Variants in OPCML observed in about 807,000 individuals in gnomAD.
OPCML encodes opioid-binding protein/cell adhesion molecule.
Under a neutral mutation model 37.8 loss-of-function variants are expected in OPCML, and 13 were observed. That is an observed-to-expected ratio of 0.34 (90% CI 0.22 to 0.55). OPCML has a LOEUF of 0.55. Among genes scored for constraint, OPCML ranks in the 20% least tolerant of loss-of-function variants. OPCML has a pLI of 0.91. For missense variants in OPCML, 341 were observed against 435.6 expected, an observed-to-expected ratio of 0.78 and a Z score of 1.93; for synonymous variants, 176 against 168.8, an observed-to-expected ratio of 1.04 and a Z score of -0.33.
At chr11:132,479,708 T>A (rs2096171737) in intron 4 of OPCML, among the ~76,000 whole-genome samples, 1 of 152,020 alleles carries the variant, frequency 6.6e-6, no homozygotes, top group Non-Finnish European at 1.5e-5. Flanking sequence ...CTCAAGTGGG[T>A]CCCTGACCCC....
At chr11:132,762,382 A>T (rs143133571) in intron 2 of OPCML, among the ~76,000 whole-genome samples, 77 of 152,326 alleles carry the variant, frequency 5.1e-4, no homozygotes, top group African/African-American at 1.7e-3. Flanking sequence ...GCAGGCAGGA[A>T]CGTTTAAGTC....
intron 1 of OPCML, among the ~76,000 whole-genome samples, chr11:133,438,952 C>T (rs1946300783): frequency 6.6e-6 from 1 of 152,126 alleles, no homozygotes. Flanking sequence ...GCTCCATGCC[C>T]CCACACACCA....
chr11:132,600,939 C>T (rs1209506275), intron 3 of OPCML, among the ~76,000 whole-genome samples: 2 of 149,952 alleles, frequency 1.3e-5, no homozygotes, highest in East Asian at 2.0e-4. Context: ...GATCCTCCCA[C>T]CTCAGCCTCC....
chr11:133,470,722 G>A (rs1174780639), intron 1 of OPCML, among the ~76,000 whole-genome samples: 2 of 152,140 alleles, frequency 1.3e-5, no homozygotes, highest in Non-Finnish European at 2.9e-5. Flanking sequence ...CCCAACTATT[G>A]GCTGACTTTT....
chr11:133,268,134 C>T (rs1186298711), intron 1 of OPCML, among the ~76,000 whole-genome samples: 1 of 152,158 alleles, frequency 6.6e-6, no homozygotes, highest in Non-Finnish European at 1.5e-5. Flanking sequence ...TCTGGCAACC[C>T]CTCAAGGCCA....
chr11:133,519,704 GCA>G (rs1324997270), intron 1 of OPCML, among the ~76,000 whole-genome samples: 4 of 152,092 alleles, frequency 2.6e-5, no homozygotes. Context: ...GCCCTCCCAG[GCA>G]CACATGCTGC....
Position 133,140,910 on chromosome 11 carries a change from A to C in OPCML, c.62-197900T>G, listed in dbSNP as rs1275768187. Among the ~76,000 whole-genome samples the C allele has an allele frequency of 1.3e-3, 19 of 14,294 alleles. 4 individuals are homozygous for C. Among genetic ancestry groups the C allele is most frequent in the African/African-American group, 2.0e-3 (13 of 6,406 alleles). The allele number at this position is 14,294 out of a possible 152,430, so 9.4% of individuals were successfully genotyped here. Reference sequence around the variant, plus strand: ...ACGACGACGAAGACGACGACGACGAAGAAGAAGAAGACGACGACGACGAAG... The same window carrying C: ...ACGACGACGAAGACGACGACGACGACGAAGAAGAAGACGACGACGACGAAG... On this transcript the variant is annotated intron_variant, in intron 1 of 7. Coordinates refer to ENST00000524381, the MANE Select transcript of OPCML (RefSeq NM_001012393.5).
chr11:133,192,248 T>C (rs911634393), intron 1 of OPCML, among the ~76,000 whole-genome samples: 1 of 152,174 alleles, frequency 6.6e-6, no homozygotes, highest in African/African-American at 2.4e-5. Flanking sequence ...AATACTAATA[T>C]CTTGATGGCC....
At chr11:132,896,923 ACAAC>A (rs2136482106) in intron 2 of OPCML, among the ~76,000 whole-genome samples, 1 of 152,342 alleles carries the variant, frequency 6.6e-6, no homozygotes, top group African/African-American at 2.4e-5. Context: ...GGCTCGTCCT[ACAAC>A]CAAGAAAGAG....
intron 1 of OPCML, among the ~76,000 whole-genome samples, chr11:133,493,464 T>C (rs1158827128): frequency 1.3e-5 from 2 of 152,242 alleles, no homozygotes; most frequent in African/African-American, 4.8e-5. Context: ...TACTTTTTTT[T>C]ACAGAAATGA....
chr11:132,557,607 G>A (rs553549617), intron 3 of OPCML, among the ~76,000 whole-genome samples: 12 of 152,164 alleles, frequency 7.9e-5, no homozygotes, highest in Non-Finnish European at 1.5e-4. Context: ...CTTCAAGAAA[G>A]CTTTCTTAGT....
chr11:133,275,022 C>A (rs558261484), intron 1 of OPCML, among the ~76,000 whole-genome samples: 1 of 151,986 alleles, frequency 6.6e-6, no homozygotes, highest in African/African-American at 2.4e-5. Flanking sequence ...TTTAGATGAA[C>A]ATTTTTGGGT....
chr11:132,677,102 C>G (rs1020102226), intron 2 of OPCML, among the ~76,000 whole-genome samples: 2 of 151,852 alleles, frequency 1.3e-5, no homozygotes, highest in African/African-American at 4.8e-5. Flanking sequence ...CATATATGCC[C>G]CCAAGAAATA....
intron 1 of OPCML, among the ~76,000 whole-genome samples, chr11:133,331,766 T>C (rs780700781): frequency 1.3e-5 from 2 of 152,178 alleles, no homozygotes; most frequent in African/African-American, 2.4e-5. Context: ...TTTCCATTAT[T>C]GCACATAGGC....
chr11:132,993,974 G>A (rs1946829391), intron 1 of OPCML, among the ~76,000 whole-genome samples: 1 of 152,238 alleles, frequency 6.6e-6, no homozygotes, highest in African/African-American at 2.4e-5. Context: ...GTCTCCCTGA[G>A]TATTCTTCCC....
chr11:132,428,849 C>T (rs1016038371), intron 7 of OPCML, among the ~76,000 whole-genome samples: 1 of 152,220 alleles, frequency 6.6e-6, no homozygotes, highest in Non-Finnish European at 1.5e-5. Context: ...GTGTGGCTGA[C>T]ACTCGATAGC....
Position 132,710,816 on chromosome 11 carries a change from T to C in OPCML, c.147-53497A>G, listed in dbSNP as rs561110743. 2.0e-5 allele frequency among the ~76,000 whole-genome samples: 3 copies of C among 151,460 alleles called. No homozygotes were observed. In the East Asian group the frequency reaches 5.8e-4, roughly 29 times the overall value. ...GTTGCGGTGAGCTGAGATTGCACCATTGCACTCCAGCCTGGATGACAGAGA... is the reference window on the plus strand; with the variant it reads ...GTTGCGGTGAGCTGAGATTGCACCACTGCACTCCAGCCTGGATGACAGAGA... On this transcript the variant is annotated intron_variant, in intron 2 of 7. Transcript: ENST00000524381.
chr11:132,505,130 G>T (rs1268521355), intron 4 of OPCML, among the ~76,000 whole-genome samples: 2 of 152,122 alleles, frequency 1.3e-5, no homozygotes, highest in African/African-American at 4.8e-5. Flanking sequence ...AATATTTGAA[G>T]AGTAGAATTA....
At chr11:132,835,783 T>G (rs1271121269) in intron 2 of OPCML, among the ~76,000 whole-genome samples, 1 of 152,226 alleles carries the variant, frequency 6.6e-6, no homozygotes, top group Non-Finnish European at 1.5e-5. Flanking sequence ...CCCTTATGCC[T>G]CTTTCTTCTC....
Sources: allele counts gnomAD v4.1 joint callset (sites outside exome capture counted in the v4.1 genomes callset), GRCh38; gene constraint gnomAD v4.1.1; transcripts MANE v1.5; gene names NCBI Gene and HGNC (gene_info 2026-07-23, HGNC 2026-07-21).